CDH26: variants seen among roughly 807,000 people sequenced by gnomAD.
CDH26 encodes cadherin 26.
In CDH26, 83 loss-of-function variants were observed where a neutral mutation model predicts 90.3. The observed-to-expected ratio is 0.92, with a 90% confidence interval of 0.77 to 1.10. CDH26 has a LOEUF of 1.10. Ranked by LOEUF, CDH26 falls within the 50% of genes least tolerant of loss-of-function variation. CDH26 has a pLI of 0.00. For missense variants in CDH26, 1,013 were observed against 1,037.6 expected (o/e 0.98, Z 0.33); for synonymous variants, 397 against 396.3 (o/e 1.00, Z -0.02).
chr20:60,008,125 G>GT (rs1443759725), intron 17 of CDH26, among the ~76,000 whole-genome samples: 11 of 152,298 alleles, frequency 7.2e-5, no homozygotes, highest in African/African-American at 2.6e-4. Context: ...AGCTCCTCCT[G>GT]TTGCAGGGCA....
chr20:60,001,395 G>A lies in CDH26; in HGVS notation c.2150G>A (p.Cys717Tyr). ...GCGAGTCAGTCAGCCCAAGCACGCT[G>A]TGCTCTGGGGAGCTGGGTGAGTTCC... Reference protein sequence around the residue: ...SAASQSAQARCALGSWGYGKP... With the variant: ...SAASQSAQARYALGSWGYGKP... Residue 717 changes from cysteine to tyrosine, a missense_variant, in exon 15 of 18, where the codon TGT becomes TAT. By Grantham distance (194) the Cys-to-Tyr change is radical. Coordinates refer to ENST00000348616, the MANE Select transcript of CDH26 (RefSeq NM_177980.4). 6.2e-7 allele frequency: 1 copy of A among 1,613,984 alleles called. No individual in the cohort carries two copies. Among genetic ancestry groups the A allele is most frequent in the Non-Finnish European group, 8.5e-7 (1 of 1,179,978 alleles).
intron 1 of CDH26, among the ~76,000 whole-genome samples, chr20:59,961,658 T>C (rs1036918912): frequency 6.6e-6 from 1 of 152,106 alleles, no homozygotes; most frequent in African/African-American, 2.4e-5. Context: ...TCCACAATAG[T>C]TTTCCTCTGA....
downstream of CDH26, among the ~76,000 whole-genome samples, chr20:60,016,994 A>G (rs930286305): frequency 6.6e-6 from 1 of 151,874 alleles, no homozygotes; most frequent in East Asian, 1.9e-4. Flanking sequence ...TCTTTTTAAT[A>G]TATTTTTGGA....
At chr20:60,026,420 GAGA>G (rs2061998230) in intron 7 of CDH26, among the ~76,000 whole-genome samples, 2 of 151,858 alleles carry the variant, frequency 1.3e-5, no homozygotes, top group Non-Finnish European at 2.9e-5. Context: ...GAGAGAGAGA[GAGA>G]GAGGGAGAAG....
At chr20:60,007,359 T>C (rs1342508572) in intron 17 of CDH26, among the ~76,000 whole-genome samples, 1 of 152,214 alleles carries the variant, frequency 6.6e-6, no homozygotes, top group African/African-American at 2.4e-5. Context: ...AACTGGGGAT[T>C]AGCCCAGGAG....
At position 59,976,379 on chromosome 20, in the gene CDH26, C is replaced by T. The variant is rs539030395; in HGVS notation, c.393+4256C>T. Among the ~76,000 whole-genome samples, 26 of 152,268 alleles carry T rather than the reference C, an allele frequency of 1.7e-4. No individual in the cohort carries two copies. In the South Asian group the frequency reaches 5.2e-3, roughly 30 times the overall value. ...TCCCTAGAAATTCTTAGCATCTTGC[C>T]AAAGAATAAACAGCACTCATGTTTC... On this transcript the variant is annotated intron_variant, in intron 4 of 17. Transcript: ENST00000348616.
chr20:59,961,418 G>C (rs2061071776), intron 1 of CDH26, among the ~76,000 whole-genome samples: 1 of 152,180 alleles, frequency 6.6e-6, no homozygotes, highest in African/African-American at 2.4e-5. Context: ...GATGTAAGAA[G>C]TTTTTAGCAA....
chr20:59,977,606 T>C (rs1181648453), intron 4 of CDH26, among the ~76,000 whole-genome samples: 2 of 152,002 alleles, frequency 1.3e-5, no homozygotes, highest in Non-Finnish European at 2.9e-5. Flanking sequence ...CTTTATTTTT[T>C]AGAGCAGTTT....
intron 4 of CDH26, 140 bp from the exon 5 acceptor site, chr20:59,982,783 G>A: frequency 5.5e-6 from 5 of 905,666 alleles, no homozygotes; most frequent in Non-Finnish European, 8.5e-6. Flanking sequence ...GGTAAATGAG[G>A]GCAGTCTGAT....
intron 15 of CDH26, among the ~76,000 whole-genome samples, chr20:60,002,117 A>C (rs901244802): frequency 1.3e-5 from 2 of 152,238 alleles, no homozygotes; most frequent in Non-Finnish European, 2.9e-5. Context: ...CAGGGTCTAA[A>C]GAGCCATAGA....
chr20:60,020,072 A>G (rs2061940184), intron 7 of CDH26, among the ~76,000 whole-genome samples: 1 of 152,040 alleles, frequency 6.6e-6, no homozygotes, highest in African/African-American at 2.4e-5. Flanking sequence ...TTCTTAGGTC[A>G]GGGGCATATG....
chr20:59,992,504 T>G lies in CDH26; in HGVS notation c.1410T>G (p.Ile470Met), dbSNP rs1370207382. 6 of 1,614,014 alleles carry G rather than the reference T, an allele frequency of 3.7e-6. No individual in the cohort carries two copies. Among genetic ancestry groups the G allele is most frequent in the African/African-American group, 1.3e-5 (1 of 74,934 alleles). Reference protein sequence around the residue: ...HVNNSFYVIIIHAVDDGFPPQ... With the variant: ...HVNNSFYVIIMHAVDDGFPPQ... ...ATAACAGTTTTTATGTAATCATCAT[T>G]CACGCTGTTGATGATGGTGAGTGTT... is the stretch of plus-strand genomic sequence containing the variant. The change falls in exon 10 of 18, where the codon ATT becomes ATG. Residue 470 changes from isoleucine (I) to methionine (M), a missense_variant. Transcript: ENST00000348616. The surrounding 1 kb of genome is among the most constrained non-coding windows in gnomAD (Gnocchi z 5.0).
chr20:60,000,696 C>T (rs372139007), intron 14 of CDH26, among the ~76,000 whole-genome samples: 31 of 152,206 alleles, frequency 2.0e-4, no homozygotes, highest in African/African-American at 7.5e-4. Context: ...ACCAAAGCCT[C>T]CACCTTCTAG....
chr20:59,986,364 A>C (rs188948276), intron 7 of CDH26, among the ~76,000 whole-genome samples: 284 of 152,324 alleles, frequency 1.9e-3, no homozygotes, highest in Non-Finnish European at 3.2e-3. Context: ...GCCCCACCTA[A>C]GGCATGTGAG....
intron 11 of CDH26, among the ~76,000 whole-genome samples, chr20:59,995,026 C>T (rs1295367299): frequency 2.6e-5 from 4 of 152,206 alleles, no homozygotes; most frequent in African/African-American, 4.8e-5. Context: ...CTGGCATCCA[C>T]TGTCAACACT....
chr20:59,967,857 CTTTCTT>C (rs2061176987), intron 1 of CDH26, among the ~76,000 whole-genome samples: 1 of 104,586 alleles, frequency 9.6e-6, no homozygotes, highest in Admixed American at 1.0e-4. Context: ...TTCTTTCTTT[CTTTCTT>C]TCTTTCTTTC....
In CDH26 at chr20:59,996,653, A is replaced by G; in HGVS notation, c.1911A>G (p.Arg637=). The G allele has an allele frequency of 6.2e-7, 1 of 1,614,084 alleles. No homozygotes were observed. The highest frequency in any genetic ancestry group is 8.5e-7 in the Non-Finnish European group (1 of 1,180,006). Reference sequence around the variant, plus strand: ...CAGTGGCTCTGCTTTTTCTGTTGCGATGCTATTTTGTGCTTGAACCTAAGA... The same window carrying G: ...CAGTGGCTCTGCTTTTTCTGTTGCGGTGCTATTTTGTGCTTGAACCTAAGA... The part of the protein sequence containing the change: ...ALAVALLFLL[R]CYFVLEPKRH... The change falls in exon 13 of 18, where the codon CGA becomes CGG. Residue 637 remains arginine (R), a synonymous_variant. Transcript: ENST00000348616.
At chr20:60,028,860 C>T (rs990439724) in intron 7 of CDH26, among the ~76,000 whole-genome samples, 1 of 152,206 alleles carries the variant, frequency 6.6e-6, no homozygotes, top group Non-Finnish European at 1.5e-5. Context: ...AAATCCGGAT[C>T]TCAAACAGGT....
chr20:59,981,890 T>A (rs2061399208), intron 4 of CDH26, among the ~76,000 whole-genome samples: 1 of 152,016 alleles, frequency 6.6e-6, no homozygotes, highest in South Asian at 2.1e-4. Context: ...GGGCCTGGAG[T>A]TTTTTGTTTT....
Sources: gnomAD v4.1 joint callset for allele counts (sites outside exome capture counted in the v4.1 genomes callset) on GRCh38, gnomAD v4.1.1 for gene constraint, Gnocchi (gnomAD v3.1) non-coding constraint, MANE v1.5 for transcripts, NCBI Gene and HGNC (gene_info 2026-07-23, HGNC 2026-07-21) for gene names.